DLG2: variants seen among roughly 807,000 people sequenced by gnomAD.
DLG2 encodes discs large MAGUK scaffold protein 2.
DLG2 carries 45 observed loss-of-function variants against 132.5 expected under a neutral mutation model. The ratio of observed to expected loss-of-function variants is 0.34; its 90% CI spans 0.27 to 0.44. The LOEUF is 0.44. DLG2 is among the 20% of genes least tolerant of loss of function. The pLI is 1.00. For synonymous variants in DLG2, 424 were observed against 419.6 expected (o/e 1.01, Z -0.13); for missense variants, 1,045 against 1,196.9 (o/e 0.87, Z 1.87).
At chr11:84,625,854 G>C (rs546646613) in intron 6 of DLG2, among the ~76,000 whole-genome samples, 7 of 152,150 alleles carry the variant, frequency 4.6e-5, no homozygotes, top group African/African-American at 1.4e-4. Flanking sequence ...GATTATAAGA[G>C]AATAACCACA....
intron 6 of DLG2, among the ~76,000 whole-genome samples, chr11:84,919,652 G>A (rs2092666294): frequency 6.6e-6 from 1 of 152,142 alleles, no homozygotes; most frequent in Non-Finnish European, 1.5e-5. Context: ...GGTTTTGTGA[G>A]TGTACATGTG....
At chr11:84,683,270 T>C (rs1331916388) in intron 6 of DLG2, among the ~76,000 whole-genome samples, 1 of 152,164 alleles carries the variant, frequency 6.6e-6, no homozygotes, top group South Asian at 2.1e-4. Context: ...AATTTTAGGT[T>C]CTCCTTGGTT....
intron 4 of DLG2, among the ~76,000 whole-genome samples, chr11:85,268,016 T>A (rs1255656568): frequency 6.6e-6 from 1 of 152,204 alleles, no homozygotes; most frequent in African/African-American, 2.4e-5. Flanking sequence ...TTAATTACTT[T>A]CATTTATTGA....
At position 85,538,367 on chromosome 11, in the gene DLG2, T is replaced by C. The variant is rs182979871; in HGVS notation, c.40+60290A>G. Among the ~76,000 whole-genome samples the C allele has an allele frequency of 5.9e-3, 902 of 151,944 alleles. 4 individuals are homozygous for C. Among genetic ancestry groups the C allele is most frequent in the Admixed American group, 8.8e-3 (135 of 15,286 alleles). On this transcript the variant is annotated intron_variant, in intron 3 of 27. Transcript: ENST00000376104. Reference sequence around the variant, plus strand: ...AGATGCTGGCAAGGCTGTGGAGAAATAGGAACACTTTTACACTGTTGGTGG... The same window carrying C: ...AGATGCTGGCAAGGCTGTGGAGAAACAGGAACACTTTTACACTGTTGGTGG...
At chr11:85,056,583 T>TG (rs1276182946) in intron 6 of DLG2, among the ~76,000 whole-genome samples, 2 of 152,006 alleles carry the variant, frequency 1.3e-5, no homozygotes, top group African/African-American at 4.8e-5. Context: ...AGCAGAAGCA[T>TG]TATATGATGT....
chr11:83,742,330 T>A (rs2092586617), intron 18 of DLG2, among the ~76,000 whole-genome samples: 1 of 151,944 alleles, frequency 6.6e-6, no homozygotes, highest in Non-Finnish European at 1.5e-5. Flanking sequence ...CAAAACATAA[T>A]GTTGTGTACC....
chr11:83,836,306 C>T (rs1015002246), intron 16 of DLG2, among the ~76,000 whole-genome samples: 5 of 152,108 alleles, frequency 3.3e-5, no homozygotes, highest in Admixed American at 2.6e-4. Context: ...AATGTTTAAC[C>T]AAATAGCTGG....
Position 85,491,627 on chromosome 11 carries a change from A to G in DLG2, c.40+107030T>C, listed in dbSNP as rs112063233. ...GCTAACAAGAAACTATCCAAAAAAG[A>G]AATTTATTTAAAACCTACTTACAAT... On this transcript the variant is annotated intron_variant, in intron 3 of 27. Transcript: ENST00000376104. Among the ~76,000 whole-genome samples the G allele has an allele frequency of 9.7e-3, 1,472 of 152,254 alleles. 6 individuals carry two copies. The highest frequency in any genetic ancestry group is 0.016 in the Non-Finnish European group (1,072 of 67,956).
At chr11:83,585,794 C>T (rs2097074693) in intron 19 of DLG2, among the ~76,000 whole-genome samples, 1 of 152,168 alleles carries the variant, frequency 6.6e-6, no homozygotes, top group African/African-American at 2.4e-5. Context: ...CCTATCAGAG[C>T]ACACTGGAGG....
At chr11:85,401,368 C>T (rs973863200) in intron 3 of DLG2, among the ~76,000 whole-genome samples, 5 of 151,976 alleles carry the variant, frequency 3.3e-5, no homozygotes, top group Admixed American at 3.3e-4. Flanking sequence ...TATGATAAAC[C>T]CACAGCCAAT....
chr11:84,946,219 T>G (rs1187294268), intron 6 of DLG2, among the ~76,000 whole-genome samples: 3 of 152,172 alleles, frequency 2.0e-5, no homozygotes, highest in African/African-American at 7.2e-5. Flanking sequence ...GTGGCCAAGC[T>G]GGTACCCAAG....
intron 22 of DLG2, among the ~76,000 whole-genome samples, chr11:83,474,702 G>C (rs2092439115): frequency 6.6e-6 from 1 of 152,090 alleles, no homozygotes; most frequent in Admixed American, 6.6e-5. Flanking sequence ...TCTGATTTCA[G>C]TCATGGGAAA....
intron 3 of DLG2, among the ~76,000 whole-genome samples, chr11:85,455,090 T>C (rs77536704): frequency 4.6e-5 from 7 of 152,218 alleles, no homozygotes; most frequent in African/African-American, 1.2e-4. Flanking sequence ...AGGAATAGCA[T>C]TGAATCTGTA....
At chr11:84,872,954 A>G (rs543517714) in intron 6 of DLG2, among the ~76,000 whole-genome samples, 1 of 152,282 alleles carries the variant, frequency 6.6e-6, no homozygotes, top group South Asian at 2.1e-4. Context: ...TTGTTTCTGG[A>G]CTCAAATCCT....
intron 7 of DLG2, among the ~76,000 whole-genome samples, chr11:84,332,630 C>T (rs1481174482): frequency 6.6e-6 from 1 of 151,432 alleles, no homozygotes; most frequent in African/African-American, 2.4e-5. Flanking sequence ...AGGCGTGAGC[C>T]ACCGCGCCTG....
At chr11:85,465,577 T>A (rs149265995) in intron 3 of DLG2, among the ~76,000 whole-genome samples, 1 of 152,100 alleles carries the variant, frequency 6.6e-6, no homozygotes. Context: ...GTCCTTGCGA[T>A]AGTTTGCTGA....
intron 18 of DLG2, among the ~76,000 whole-genome samples, chr11:83,720,437 T>C (rs557526526): frequency 6.6e-6 from 1 of 152,066 alleles, no homozygotes; most frequent in South Asian, 2.1e-4. Flanking sequence ...GTTCTTTACC[T>C]TTTTCAAGAT....
chr11:85,096,469 G>C (rs868326401), intron 6 of DLG2, among the ~76,000 whole-genome samples: 10 of 151,578 alleles, frequency 6.6e-5, no homozygotes, highest in Admixed American at 6.6e-4. Context: ...CTTCATTCCT[G>C]AAGTCACCGA....
At chr11:83,629,484 C>G (rs532427726) in intron 19 of DLG2, among the ~76,000 whole-genome samples, 1 of 152,000 alleles carries the variant, frequency 6.6e-6, no homozygotes. Flanking sequence ...TTTCCTTGCC[C>G]TCCCCATTCT....
Sources: allele counts gnomAD v4.1 joint callset (sites outside exome capture counted in the v4.1 genomes callset), GRCh38; gene constraint gnomAD v4.1.1; transcripts MANE v1.5; gene names NCBI Gene and HGNC (gene_info 2026-07-23, HGNC 2026-07-21).